The following LRFN2 variants were observed in gnomAD, a reference collection of about 807,000 sequenced individuals.
LRFN2 encodes leucine-rich repeat and fibronectin type-III domain-containing protein 2.
A neutral mutation model predicts 37.3 loss-of-function variants in LRFN2; 18 were observed. The observed-to-expected ratio is 0.48, with a 90% CI of 0.33 to 0.72. The LOEUF (loss-of-function observed/expected upper bound fraction) is 0.72, where lower values mean the gene tolerates loss of function less well. Ranked by LOEUF, LRFN2 falls within the 30% of genes least tolerant of loss-of-function variation. The pLI is 0.02. For synonymous variants in LRFN2, 556 were observed against 466.6 expected (o/e 1.19, Z -2.47); for missense variants, 1,006 against 1,060.7 (o/e 0.95, Z 0.72).
intron 1 of LRFN2, among the ~76,000 whole-genome samples, chr6:40,554,523 G>C (rs1416503979): frequency 2.0e-5 from 3 of 152,296 alleles, no homozygotes; most frequent in South Asian, 2.1e-4. Context: ...GGAACAGAAA[G>C]GTGCCATGGG....
intron 1 of LRFN2, among the ~76,000 whole-genome samples, chr6:40,571,011 C>G (rs1767176921): frequency 6.6e-6 from 1 of 152,170 alleles, no homozygotes; most frequent in Non-Finnish European, 1.5e-5. Flanking sequence ...CTTAATGGGG[C>G]CATTCAAGAG....
intron 1 of LRFN2, 55 bp from the exon 2 acceptor site, chr6:40,433,186 C>G: frequency 1.4e-6 from 2 of 1,414,880 alleles, no homozygotes; most frequent in Non-Finnish European, 1.9e-6. Flanking sequence ...AATGCACTCA[C>G]CCAGAGCTTC....
chr6:40,543,619 G>A (rs1766597183), intron 1 of LRFN2, among the ~76,000 whole-genome samples: 1 of 152,204 alleles, frequency 6.6e-6, no homozygotes, highest in Non-Finnish European at 1.5e-5. Flanking sequence ...TCGAAGCCTA[G>A]CTAGAATGTG....
At chr6:40,582,847 A>G (rs1367920407) in intron 1 of LRFN2, among the ~76,000 whole-genome samples, 2 of 152,172 alleles carry the variant, frequency 1.3e-5, no homozygotes, top group Non-Finnish European at 2.9e-5. Flanking sequence ...CCCTCTGTTC[A>G]AAGTTTAGCC....
At chr6:40,566,341 C>A (rs1365451976) in intron 1 of LRFN2, among the ~76,000 whole-genome samples, 2 of 152,208 alleles carry the variant, frequency 1.3e-5, no homozygotes, top group Non-Finnish European at 1.5e-5. Context: ...CCTCAGGGAT[C>A]TGGAACTAGA....
intron 1 of LRFN2, among the ~76,000 whole-genome samples, chr6:40,503,481 T>G (rs1358402679): frequency 6.6e-6 from 1 of 152,126 alleles, no homozygotes; most frequent in Non-Finnish European, 1.5e-5. Context: ...AGACCACCAT[T>G]GCTGGAGAAG....
intron 1 of LRFN2, among the ~76,000 whole-genome samples, chr6:40,455,552 T>C (rs1255792358): frequency 2.6e-5 from 4 of 152,196 alleles, no homozygotes; most frequent in African/African-American, 9.7e-5. Flanking sequence ...ATAAAAGTAT[T>C]ACATATTCCC....
intron 2 of LRFN2, among the ~76,000 whole-genome samples, chr6:40,393,880 C>T (rs1471266469): frequency 2.0e-5 from 3 of 152,168 alleles, no homozygotes; most frequent in African/African-American, 7.2e-5. Context: ...AGAGCGTTTG[C>T]TGCTGCAGAC....
At chr6:40,459,400 G>C (rs970646042) in intron 1 of LRFN2, among the ~76,000 whole-genome samples, 2 of 152,242 alleles carry the variant, frequency 1.3e-5, no homozygotes, top group Admixed American at 6.5e-5. Flanking sequence ...AGAGTAAGAA[G>C]CTTGGAGAGG....
intron 1 of LRFN2, among the ~76,000 whole-genome samples, chr6:40,489,533 C>T (rs1765038608): frequency 6.6e-6 from 1 of 152,084 alleles, no homozygotes; most frequent in African/African-American, 2.4e-5. Context: ...CTGGGACACA[C>T]AGGGGAGGAG....
At chr6:40,576,413 T>A (rs75688475) in intron 1 of LRFN2, among the ~76,000 whole-genome samples, 1 of 152,076 alleles carries the variant, frequency 6.6e-6, no homozygotes, top group Non-Finnish European at 1.5e-5. Context: ...AGCGAATCAA[T>A]GTTGTACTGT....
intron 1 of LRFN2, among the ~76,000 whole-genome samples, chr6:40,469,891 C>T (rs1375528819): frequency 6.6e-6 from 1 of 152,192 alleles, no homozygotes; most frequent in Non-Finnish European, 1.5e-5. Context: ...CCCTGTAAAC[C>T]ATCACTTTAC....
intron 1 of LRFN2, among the ~76,000 whole-genome samples, chr6:40,536,209 G>A (rs1030634195): frequency 6.6e-6 from 1 of 152,096 alleles, no homozygotes; most frequent in African/African-American, 2.4e-5. Context: ...CAGGGTGAGT[G>A]GGGGGCCGGT....
chr6:40,431,749 C>T lies in LRFN2; in HGVS notation c.1365G>A (p.Gln455=). The T allele has an allele frequency of 5.9e-6, 9 of 1,522,482 alleles. No homozygotes were observed. The highest frequency in any genetic ancestry group is 7.9e-6 in the Non-Finnish European group (9 of 1,135,636). 94.3% of individuals were successfully genotyped at this position (1,522,482 alleles called of 1,614,324 possible). A position where few individuals can be genotyped will look rare whatever the true frequency, so the allele number is the denominator to read the frequency against. Residue 455 remains glutamine (Q), a synonymous_variant, in exon 2 of 3, where the codon CAG becomes CAA. Transcript: ENST00000338305. ...SAPRVKMYQL[Q]YNCSDDEVLI... Reference sequence around the variant, plus strand: ...GTACCTCATCGTCAGAGCAGTTGTACTGCAGCTGGTACATCTTCACCCGGG... The same window carrying T: ...GTACCTCATCGTCAGAGCAGTTGTATTGCAGCTGGTACATCTTCACCCGGG...
intron 1 of LRFN2, among the ~76,000 whole-genome samples, chr6:40,530,902 C>A (rs909670465): frequency 6.6e-6 from 1 of 152,182 alleles, no homozygotes; most frequent in Non-Finnish European, 1.5e-5. Flanking sequence ...GGGTAACTAA[C>A]TGTCAACACT....
At chr6:40,451,592 C>T (rs1032037325) in intron 1 of LRFN2, among the ~76,000 whole-genome samples, 4 of 152,226 alleles carry the variant, frequency 2.6e-5, no homozygotes, top group East Asian at 1.9e-4. Context: ...AGTCTGGCCA[C>T]GCGGCCTGTG....
intron 1 of LRFN2, among the ~76,000 whole-genome samples, chr6:40,566,320 G>T: frequency 6.6e-6 from 1 of 151,974 alleles, no homozygotes. Context: ...GTGGAAGTCC[G>T]TGTGGCGATT....
chr6:40,404,961 C>T (rs1171264618), intron 2 of LRFN2, among the ~76,000 whole-genome samples: 1 of 152,198 alleles, frequency 6.6e-6, no homozygotes, highest in African/African-American at 2.4e-5. Flanking sequence ...TTCTCTCTGC[C>T]TCCCATACTC....
At chr6:40,586,267 A>G (rs1767501399) in intron 1 of LRFN2, among the ~76,000 whole-genome samples, 7 of 152,068 alleles carry the variant, frequency 4.6e-5, no homozygotes, top group African/African-American at 1.7e-4. Context: ...TGGGTGGGAG[A>G]CAGAGACCTA....
Sources: allele counts gnomAD v4.1 joint callset (sites outside exome capture counted in the v4.1 genomes callset), GRCh38; gene constraint gnomAD v4.1.1; transcripts MANE v1.5; gene names NCBI Gene and HGNC (gene_info 2026-07-23, HGNC 2026-07-21).